The following CATSPERB variants were observed in gnomAD, a reference collection of about 807,000 sequenced individuals.
CATSPERB encodes the protein catsper channel auxiliary subunit beta.
A neutral mutation model predicts 128.3 loss-of-function variants in CATSPERB; 93 were observed. That is an observed-to-expected ratio of 0.72 (90% confidence interval 0.61 to 0.86). The LOEUF is 0.86. Ranked by LOEUF, CATSPERB falls within the 40% of genes least tolerant of loss-of-function variation. The pLI, the probability that CATSPERB is intolerant of heterozygous loss-of-function variation, is 0.00. For synonymous variants in CATSPERB, 381 were observed against 448.8 expected, an observed-to-expected ratio of 0.85 and a Z score of 1.91; for missense variants, 1,153 against 1,329.5, an observed-to-expected ratio of 0.87 and a Z score of 2.06.
chr14:91,607,588 G>T (rs991618329), intron 22 of CATSPERB, among the ~76,000 whole-genome samples: 2 of 152,196 alleles, frequency 1.3e-5, no homozygotes, highest in Admixed American at 1.3e-4. Context: ...GTCCAAGGAG[G>T]ACTTTATAAA....
chr14:91,701,701 C>T (rs1383209152), intron 7 of CATSPERB, among the ~76,000 whole-genome samples: 1 of 152,150 alleles, frequency 6.6e-6, no homozygotes. Context: ...TAGCTGTTCC[C>T]ACCATTAACT....
intron 11 of CATSPERB, among the ~76,000 whole-genome samples, chr14:91,675,356 T>C (rs1318214439): frequency 2.6e-5 from 4 of 152,220 alleles, no homozygotes; most frequent in African/African-American, 9.6e-5. Context: ...GTTAGCTGCC[T>C]ACTACACTTT....
intron 26 of CATSPERB, among the ~76,000 whole-genome samples, chr14:91,583,394 G>A (rs1893242496): frequency 6.6e-6 from 1 of 152,112 alleles, no homozygotes; most frequent in Non-Finnish European, 1.5e-5. Flanking sequence ...ACTCCAGCCT[G>A]GGCAACAGAG....
intron 7 of CATSPERB, among the ~76,000 whole-genome samples, chr14:91,695,596 A>G (rs1257267165): frequency 6.6e-6 from 1 of 152,216 alleles, no homozygotes; most frequent in Non-Finnish European, 1.5e-5. Flanking sequence ...CTCTGTGACA[A>G]ACTATCCCAG....
At chr14:91,635,108 G>A (rs959897349) in intron 17 of CATSPERB, among the ~76,000 whole-genome samples, 8 of 151,868 alleles carry the variant, frequency 5.3e-5, no homozygotes, top group African/African-American at 1.7e-4. Flanking sequence ...TGGTGGAAGG[G>A]CCTAGCTAGC....
At chr14:91,629,242 G>A (rs557189404) in intron 17 of CATSPERB, among the ~76,000 whole-genome samples, 1 of 152,308 alleles carries the variant, frequency 6.6e-6, no homozygotes, top group South Asian at 2.1e-4. Context: ...AAATTTAGAT[G>A]CATATTACTA....
At chr14:91,662,987 T>C (rs887928687) in intron 14 of CATSPERB, among the ~76,000 whole-genome samples, 10 of 152,218 alleles carry the variant, frequency 6.6e-5, no homozygotes, top group African/African-American at 1.9e-4. Context: ...AGTTTGCAGA[T>C]TGTTGTTGTT....
intron 17 of CATSPERB, among the ~76,000 whole-genome samples, chr14:91,626,359 C>CTTTTTTTTT (rs71120179): frequency 6.5e-5 from 5 of 76,834 alleles, no homozygotes; most frequent in Admixed American, 2.0e-4. Flanking sequence ...AGAGGTGGGA[C>CTTTTTTTTT]TTTTTTTTTT....
At chr14:91,660,687 A>G (rs1224893539) in intron 14 of CATSPERB, among the ~76,000 whole-genome samples, 3 of 152,224 alleles carry the variant, frequency 2.0e-5, no homozygotes, top group African/African-American at 7.2e-5. Flanking sequence ...ATAACAAGTT[A>G]TACAAGAAAA....
At chr14:91,723,848 G>GA (rs1896074579) in intron 3 of CATSPERB, among the ~76,000 whole-genome samples, 1 of 133,432 alleles carries the variant, frequency 7.5e-6, no homozygotes, top group Admixed American at 7.8e-5. Context: ...ATGGAGATTG[G>GA]CAAGTAGACA....
At chr14:91,656,006 T>C (rs879527444) in intron 15 of CATSPERB, among the ~76,000 whole-genome samples, 2 of 152,160 alleles carry the variant, frequency 1.3e-5, no homozygotes, top group Non-Finnish European at 2.9e-5. Flanking sequence ...GGCTTTTCAG[T>C]GTAAACCTTA....
At position 91,719,486 on chromosome 14, in the gene CATSPERB, A is replaced by T. The variant is rs770387286; in HGVS notation, c.310-8T>A. On this transcript the variant is annotated splice_region_variant and splice_polypyrimidine_tract_variant and intron_variant, in intron 4 of 26. Transcript: ENST00000256343. ...CAAAATCCGATCACTGAACTTGAAT[A>T]AAGAAGACATCAGAAAACAATGTTT... is the stretch of plus-strand genomic sequence containing the variant. The T allele has an allele frequency of 1.2e-6, 2 of 1,606,270 alleles. No homozygotes were observed. The highest frequency in any genetic ancestry group is 3.4e-5 in the Admixed American group (2 of 59,484).
intron 10 of CATSPERB, among the ~76,000 whole-genome samples, chr14:91,689,343 G>A (rs1279876587): frequency 2.0e-5 from 3 of 152,126 alleles, no homozygotes; most frequent in African/African-American, 2.4e-5. Flanking sequence ...GTGAGGTAAC[G>A]ACATGCCAGA....
intron 15 of CATSPERB, among the ~76,000 whole-genome samples, chr14:91,640,166 C>T (rs909576415): frequency 1.3e-5 from 2 of 152,274 alleles, no homozygotes; most frequent in East Asian, 1.9e-4. Context: ...TCCTCCAGCC[C>T]CAGCCTTCCT....
chr14:91,620,783 C>A (rs1363403933), intron 19 of CATSPERB, among the ~76,000 whole-genome samples: 3 of 152,156 alleles, frequency 2.0e-5, no homozygotes, highest in African/African-American at 7.2e-5. Flanking sequence ...GCCTGTGGAA[C>A]TCACACATAG....
chr14:91,608,549 T>A (rs909038827), intron 21 of CATSPERB, 145 bp from the exon 22 acceptor site: 2 of 610,172 alleles, frequency 3.3e-6, no homozygotes, highest in Non-Finnish European at 5.8e-6. Context: ...CCCCAACTTT[T>A]CTACCCCTCA....
At position 91,693,233 on chromosome 14, in the gene CATSPERB, G is replaced by T. The variant is rs776127649; in HGVS notation, c.724C>A (p.Leu242Ile). 6.2e-7 allele frequency: 1 copy of T among 1,610,960 alleles called. No homozygotes were observed. The highest frequency in any genetic ancestry group is 1.1e-5 in the South Asian group (1 of 90,868). The change falls in exon 9 of 27, where the codon CTT (leucine) becomes ATT (isoleucine). Residue 242 changes from leucine (L) to isoleucine (I), a missense_variant. Leu to Ile is a conservative substitution (Grantham distance 5). Transcript: ENST00000256343. The stretch of plus-strand genomic sequence containing the variant: ...GTTAAAACCATATCCACCAATGAAA[G>T]GTCTTCATATTCTAAACGAAGAAAT... ...YSQLQEEYED[L>I]SLVDMVLTNH... is the part of the protein sequence containing the mutation.
intron 17 of CATSPERB, among the ~76,000 whole-genome samples, chr14:91,633,623 T>C (rs982055549): frequency 1.3e-4 from 20 of 152,136 alleles, no homozygotes; most frequent in African/African-American, 4.1e-4. Flanking sequence ...TCCAGGACTT[T>C]AAGGTTGGTT....
At chr14:91,601,784 C>A (rs1424786461) in intron 22 of CATSPERB, among the ~76,000 whole-genome samples, 1 of 151,504 alleles carries the variant, frequency 6.6e-6, no homozygotes, top group Non-Finnish European at 1.5e-5. Context: ...ATTTTTTCCC[C>A]AAAAATATAT....
Sources: allele counts gnomAD v4.1 joint callset (sites outside exome capture counted in the v4.1 genomes callset), GRCh38; gene constraint gnomAD v4.1.1; transcripts MANE v1.5; gene names NCBI Gene and HGNC (gene_info 2026-07-23, HGNC 2026-07-21).